PTPRN2: variants seen among roughly 807,000 people sequenced by gnomAD.
PTPRN2 encodes protein tyrosine phosphatase receptor type N2, also known as receptor-type tyrosine-protein phosphatase N2.
A neutral mutation model predicts 118.8 loss-of-function variants in PTPRN2; 74 were observed. The observed-to-expected ratio is 0.62, with a 90% CI of 0.52 to 0.76. The LOEUF is 0.76. Among genes scored for constraint, PTPRN2 ranks in the 30% least tolerant of loss-of-function variants. The pLI, the probability that PTPRN2 is intolerant of heterozygous loss-of-function variation, is 0.00. For missense variants in PTPRN2, 1,481 were observed against 1,394.4 expected, an observed-to-expected ratio of 1.06 and a Z score of -0.99; for synonymous variants, 641 against 608.0, an observed-to-expected ratio of 1.05 and a Z score of -0.80.
Position 158,167,000 on chromosome 7 carries a change from C to T in PTPRN2, c.841G>A (p.Ala281Thr), listed in dbSNP as rs1823075980. The T allele has an allele frequency of 1.4e-6, 2 of 1,464,434 alleles. No homozygotes were observed. The highest frequency in any genetic ancestry group is 1.4e-5 in the South Asian group (1 of 69,346). The allele number at this position is 1,464,434 out of a possible 1,614,324, so 90.7% of individuals were successfully genotyped here. The stretch of plus-strand genomic sequence containing the variant: ...GGCCACTTCTGGGGGGCGGCTGGTG[C>T]CAGCAAAGGCCTGGGCATTCTTGAG... ...APSRMPRPLL[A>T]PAAPQKWPSP... is the part of the protein sequence containing the mutation. Residue 281 changes from alanine to threonine, a missense_variant, in exon 6 of 23, where the codon GCA (alanine) becomes ACA (threonine). By Grantham distance (58) the Ala-to-Thr change is moderately conservative. This residue lies in a region of PTPRN2 where 1,115 missense variants were observed against 994.2 expected (regional missense o/e 1.12). Transcript: ENST00000389418.
intron 2 of PTPRN2, among the ~76,000 whole-genome samples, chr7:158,426,084 A>G (rs1251635558): frequency 5.6e-4 from 2 of 3,552 alleles, no homozygotes; most frequent in African/African-American, 5.4e-3. Context: ...AGCCTAGCTG[A>G]GGCCTGCGCA....
intron 1 of PTPRN2, among the ~76,000 whole-genome samples, chr7:158,552,673 C>T (rs1216455172): frequency 1.3e-5 from 2 of 152,186 alleles, no homozygotes; most frequent in Admixed American, 6.5e-5. Context: ...TCTCAAACTC[C>T]TGACCTCAAG....
intron 12 of PTPRN2, among the ~76,000 whole-genome samples, chr7:157,758,380 C>T (rs1215225480): frequency 6.6e-6 from 1 of 152,196 alleles, no homozygotes; most frequent in Non-Finnish European, 1.5e-5. Context: ...CTCCATGTCC[C>T]CAAAGGGCAA....
At chr7:158,577,578 A>G (rs1446310807) in intron 1 of PTPRN2, among the ~76,000 whole-genome samples, 4 of 152,134 alleles carry the variant, frequency 2.6e-5, no homozygotes, top group African/African-American at 9.7e-5. Flanking sequence ...TGCCACAGAC[A>G]GCATGGGGCC....
intron 12 of PTPRN2, among the ~76,000 whole-genome samples, chr7:157,859,973 G>A (rs1354446292): frequency 1.3e-5 from 2 of 148,682 alleles, no homozygotes; most frequent in Non-Finnish European, 3.0e-5. Flanking sequence ...CACTCCTGCA[G>A]GGAGAGCCCC....
rs532731675 is a variant in PTPRN2 at position 157,717,070 on chromosome 7, G to A, written c.1789-34133C>T. 6.0e-5 allele frequency among the ~76,000 whole-genome samples: 9 copies of A among 150,934 alleles called. No homozygotes were observed. In the East Asian group the frequency reaches 1.8e-3, roughly 29 times the overall value. ...ACTGCCTGGCCACGTAGACTCTGCA[G>A]GAACACTGCCTGGCCACTTAGACTC... On this transcript the variant is annotated intron_variant, in intron 12 of 22. Transcript: ENST00000389418.
chr7:157,810,195 G>A (rs753392062), intron 12 of PTPRN2, among the ~76,000 whole-genome samples: 21 of 152,252 alleles, frequency 1.4e-4, no homozygotes, highest in East Asian at 1.9e-4. Flanking sequence ...AAAGCCAACC[G>A]TTGTTGTTTA....
At chr7:158,403,919 A>C (rs1444940571) in intron 2 of PTPRN2, among the ~76,000 whole-genome samples, 1 of 152,250 alleles carries the variant, frequency 6.6e-6, no homozygotes, top group African/African-American at 2.4e-5. Context: ...AATGAGGTTT[A>C]AAATGTAGGG....
At chr7:158,207,691 G>A (rs1413334766) in intron 3 of PTPRN2, among the ~76,000 whole-genome samples, 1 of 152,144 alleles carries the variant, frequency 6.6e-6, no homozygotes, top group Non-Finnish European at 1.5e-5. Flanking sequence ...AACAAGCCGA[G>A]ATTTTAGCGA....
intron 11 of PTPRN2, among the ~76,000 whole-genome samples, chr7:157,919,401 C>T (rs968924100): frequency 2.6e-5 from 4 of 152,066 alleles, no homozygotes; most frequent in African/African-American, 7.2e-5. Flanking sequence ...TGGGAGATAC[C>T]GAAATGATTC....
intron 1 of PTPRN2, among the ~76,000 whole-genome samples, chr7:158,568,056 C>A (rs916929137): frequency 5.3e-5 from 8 of 152,148 alleles, no homozygotes; most frequent in African/African-American, 1.9e-4. Flanking sequence ...AGTTCGAGAC[C>A]AGCCTGGCCA....
At chr7:157,767,948 GCA>G (rs1802581100) in intron 12 of PTPRN2, among the ~76,000 whole-genome samples, 1 of 152,208 alleles carries the variant, frequency 6.6e-6, no homozygotes, top group South Asian at 2.1e-4. Context: ...GGACATGAAG[GCA>G]CAGTCATGGG....
At chr7:158,191,093 C>T (rs1825726454) in intron 5 of PTPRN2, among the ~76,000 whole-genome samples, 1 of 152,272 alleles carries the variant, frequency 6.6e-6, no homozygotes. Flanking sequence ...AGCCCCTAAG[C>T]TGGCCTGGGA....
intron 9 of PTPRN2, among the ~76,000 whole-genome samples, chr7:158,126,024 C>T (rs528095842): frequency 9.3e-5 from 14 of 150,614 alleles, no homozygotes; most frequent in South Asian, 4.2e-4. Flanking sequence ...GGAGAGCGGG[C>T]GGCGGAACTT....
In PTPRN2 at chr7:158,162,733, G is replaced by A. The variant is rs1297466499; in HGVS notation, c.910+4198C>T. ...AAAGCTCTTTGAAAGGAGACCAGAT[G>A]TGAATTATGAATAAGTGAAGGAAGA... On this transcript the variant is annotated intron_variant, in intron 6 of 22. Transcript: ENST00000389418. Among the ~76,000 whole-genome samples, 3 of 152,112 alleles carry A rather than the reference G, an allele frequency of 2.0e-5. No individual in the cohort carries two copies. In the East Asian group the frequency reaches 5.8e-4, roughly 29 times the overall value.
rs548447405 is a variant in PTPRN2 at position 157,930,932 on chromosome 7, G to A, written c.1724-32195C>T. Reference sequence around the variant, plus strand: ...TTGTTTTTCGCAAGAGGCAGAACCAGCTTCCCGCTGTAGCAGCTAAGAGGC... The same window carrying A: ...TTGTTTTTCGCAAGAGGCAGAACCAACTTCCCGCTGTAGCAGCTAAGAGGC... On this transcript the variant is annotated intron_variant, in intron 11 of 22. Transcript: ENST00000389418. Among the ~76,000 whole-genome samples the A allele has an allele frequency of 7.9e-5, 12 of 152,122 alleles. No individual in the cohort carries two copies. In the East Asian group the frequency reaches 1.9e-3, roughly 25 times the overall value.
At position 158,340,773 on chromosome 7, in the gene PTPRN2, C is replaced by A. The variant is rs1383955272; in HGVS notation, c.164-23841G>T. Among the ~76,000 whole-genome samples, 18 of 85,310 alleles carry A rather than the reference C, an allele frequency of 2.1e-4. 2 individuals carry two copies. The highest frequency in any genetic ancestry group is 7.4e-4 in the African/African-American group (16 of 21,762). 56.0% of individuals were successfully genotyped at this position (85,310 alleles called of 152,430 possible). ...GACGTCACACACACCCACACTCTCA[C>A]CATAATTGGTGACACCTGCAGACGT... is the stretch of plus-strand genomic sequence containing the variant. On this transcript the variant is annotated intron_variant, in intron 2 of 22. Transcript: ENST00000389418.
At chr7:157,975,565 T>C (rs1802681625) in intron 11 of PTPRN2, among the ~76,000 whole-genome samples, 1 of 152,054 alleles carries the variant, frequency 6.6e-6, no homozygotes, top group Non-Finnish European at 1.5e-5. Context: ...TTGGGCGAGC[T>C]CCCTAGACCC....
chr7:157,541,157 C>T (rs765102212), intron 22 of PTPRN2, among the ~76,000 whole-genome samples: 4 of 152,238 alleles, frequency 2.6e-5, no homozygotes, highest in Non-Finnish European at 5.9e-5. Context: ...CTCACAGCCA[C>T]CCGCCTTGGT....
Sources: gnomAD v4.1 joint callset for allele counts (sites outside exome capture counted in the v4.1 genomes callset) on GRCh38, gnomAD v4.1.1 for gene constraint, gnomAD v4.1.1 regional missense constraint, MANE v1.5 for transcripts, NCBI Gene and HGNC (gene_info 2026-07-23, HGNC 2026-07-21) for gene names.